Variants in ZNF140 observed in about 807,000 individuals in gnomAD.
The protein encoded by ZNF140 is zinc finger protein 140, also known as zinc finger protein 140 (clone pHZ-39).
In ZNF140, 13 loss-of-function variants were observed where a neutral mutation model predicts 12.9. That is an observed-to-expected ratio of 1.01 (90% CI 0.66 to 1.60). The LOEUF (loss-of-function observed/expected upper bound fraction) is 1.60, where lower values mean the gene tolerates loss of function less well. ZNF140 is among the 40% of genes most tolerant of loss of function. The pLI, the probability that ZNF140 is intolerant of heterozygous loss-of-function variation, is 0.00. For missense variants in ZNF140, 531 were observed against 548.8 expected (o/e 0.97, Z 0.32); for synonymous variants, 214 against 186.7 (o/e 1.15, Z -1.19).
chr12:133,081,348 A>G lies in ZNF140; in HGVS notation c.9+19A>G, dbSNP rs200906656. On this transcript the variant is annotated intron_variant, in intron 2 of 4. Coordinates refer to ENST00000355557, the MANE Select transcript of ZNF140 (RefSeq NM_003440.4). Reference sequence around the variant, plus strand: ...GTCTCAGGTAAGCTAATGATTGATAAATATATATATATATATATATATAAA... The same window carrying G: ...GTCTCAGGTAAGCTAATGATTGATAGATATATATATATATATATATATAAA... 6.3e-6 allele frequency: 2 copies of G among 317,000 alleles called. No homozygotes were observed. Among genetic ancestry groups the G allele is most frequent in the African/African-American group, 3.1e-5 (1 of 32,022 alleles). 19.6% of individuals were successfully genotyped at this position (317,000 alleles called of 1,614,324 possible). A position where few individuals can be genotyped will look rare whatever the true frequency, so the allele number is the denominator to read the frequency against.
At chr12:133,086,952 G>C (rs1954696245) in intron 4 of ZNF140, among the ~76,000 whole-genome samples, 2 of 152,096 alleles carry the variant, frequency 1.3e-5, no homozygotes, top group African/African-American at 2.4e-5. Context: ...TATGTTTCTA[G>C]GTTCTCAATT....
intron 4 of ZNF140, among the ~76,000 whole-genome samples, chr12:133,100,051 C>T (rs1955280550): frequency 6.6e-6 from 1 of 151,772 alleles, no homozygotes; most frequent in East Asian, 1.9e-4. Context: ...GGATATTTTC[C>T]ACAACCTCCG....
chr12:133,085,861 T>A (rs1211154230), intron 4 of ZNF140, among the ~76,000 whole-genome samples: 2 of 151,982 alleles, frequency 1.3e-5, no homozygotes, highest in Non-Finnish European at 2.9e-5. Context: ...CACAAAAAAA[T>A]TTTAAAAGCT....
chr12:133,095,223 A>T (rs1474982806), intron 4 of ZNF140, among the ~76,000 whole-genome samples: 1 of 151,040 alleles, frequency 6.6e-6, no homozygotes, highest in Non-Finnish European at 1.5e-5. Flanking sequence ...CTATTGTTTG[A>T]AATAGCGTAA....
rs934007607 is a variant in ZNF140, at chr12:133,083,270, C to T, written c.136+41C>T. On this transcript the variant is annotated intron_variant, in intron 3 of 4. Coordinates refer to ENST00000355557, the MANE Select transcript of ZNF140 (RefSeq NM_003440.4). ...CATCTCCCTCAAGGCAAAATTTGAC[C>T]GTTAGGGTGGCTGTTATAATTATCT... 6.2e-5 allele frequency: 99 copies of T among 1,589,058 alleles called. No individual in the cohort carries two copies. In the African/African-American group the frequency reaches 6.5e-4, roughly 10 times the overall value.
chr12:133,095,777 A>G (rs752776216), intron 4 of ZNF140, among the ~76,000 whole-genome samples: 6 of 151,824 alleles, frequency 4.0e-5, no homozygotes, highest in Admixed American at 6.6e-5. Context: ...GGAAGGTACT[A>G]TGCCTGGATG....
chr12:133,081,358 T>C (rs1295754327), intron 2 of ZNF140, 29 bp downstream of exon 2: 3 of 265,846 alleles, frequency 1.1e-5, no homozygotes, highest in Non-Finnish European at 1.9e-5. Flanking sequence ...AATATATATA[T>C]ATATATATAT....
At chr12:133,104,089 A>G (rs1955470194) in intron 4 of ZNF140, among the ~76,000 whole-genome samples, 2 of 152,348 alleles carry the variant, frequency 1.3e-5, no homozygotes, top group African/African-American at 2.4e-5. Flanking sequence ...GCAATAACAG[A>G]TAACATTTTT....
intron 4 of ZNF140, among the ~76,000 whole-genome samples, chr12:133,092,898 C>CTT (rs1954941712): frequency 6.6e-6 from 1 of 151,144 alleles, no homozygotes; most frequent in Non-Finnish European, 1.5e-5. Context: ...ACTTCTGGGT[C>CTT]TTTTGATTCT....
chr12:133,096,348 A>G (rs1354908703), intron 4 of ZNF140, among the ~76,000 whole-genome samples: 2 of 152,158 alleles, frequency 1.3e-5, no homozygotes, highest in Non-Finnish European at 2.9e-5. Flanking sequence ...TGGCTGGGGA[A>G]AGCTACAAAT....
upstream of ZNF140, chr12:133,080,519 G>C (rs1434390261): frequency 6.6e-6 from 1 of 152,288 alleles, no homozygotes; most frequent in African/African-American, 2.4e-5. Flanking sequence ...GCGCTTGGCC[G>C]CGAGACACTC....
At chr12:133,093,625 G>C (rs1269058217) in intron 4 of ZNF140, 2 of 613,920 alleles carry the variant, frequency 3.3e-6, no homozygotes, top group Non-Finnish European at 5.8e-6. Flanking sequence ...CACCAAATTA[G>C]TTTTCCCTCA....
At chr12:133,083,641 T>C (rs1954574483) in intron 4 of ZNF140, 80 bp downstream of exon 4, 10 of 1,376,226 alleles carry the variant, frequency 7.3e-6, no homozygotes, top group Admixed American at 2.1e-5. Flanking sequence ...TTTTAATATG[T>C]TGATTGGAAA....
Position 133,094,679 on chromosome 12 carries a change from T to C in ZNF140, c.233-10831T>C, listed in dbSNP as rs919188952. Among the ~76,000 whole-genome samples the C allele has an allele frequency of 4.0e-5, 6 of 151,228 alleles. 1 individual carries two copies. The highest frequency in any genetic ancestry group is 1.5e-4 in the African/African-American group (6 of 40,812). On this transcript the variant is annotated intron_variant, in intron 4 of 4. Transcript: ENST00000355557. ...CCCATACAGGAAGCTGCAGGGCAAG[T>C]CTGAATTGCTCCTTCACCGTAGTGA... is the stretch of plus-strand genomic sequence containing the variant.
At chr12:133,104,354 A>ATTT (rs34193332) in intron 4 of ZNF140, among the ~76,000 whole-genome samples, 53 of 144,344 alleles carry the variant, frequency 3.7e-4, no homozygotes, top group African/African-American at 9.0e-4. Flanking sequence ...TAAAGATACA[A>ATTT]TTTTTTTTTT....
rs1158240717 is a variant in ZNF140, at chr12:133,106,596, C to T, written c.1319C>T (p.Pro440Leu). The T allele has an allele frequency of 6.2e-7, 1 of 1,608,520 alleles. No individual in the cohort carries two copies. Among genetic ancestry groups the T allele is most frequent in the Non-Finnish European group, 8.5e-7 (1 of 1,178,590 alleles). ...KHQRTHTLDN[P>L]YEYENSFNYH... ...CAGAGGACACACACTCTTGACAACC[C>T]CTATGAATATGAAAATTCATTTAAT... Residue 440 changes from proline to leucine, a missense_variant, in exon 5 of 5, where the codon CCC (proline) becomes CTC (leucine). Transcript: ENST00000355557.
chr12:133,096,774 G>A (rs1383886500), intron 4 of ZNF140, among the ~76,000 whole-genome samples: 14 of 152,210 alleles, frequency 9.2e-5, no homozygotes, highest in African/African-American at 3.1e-4. Context: ...GTTAAGATGT[G>A]TGTTATGACT....
intron 2 of ZNF140, 41 bp from the exon 3 acceptor site, chr12:133,083,062 G>A: frequency 1.2e-6 from 2 of 1,613,652 alleles, no homozygotes; most frequent in South Asian, 1.1e-5. Flanking sequence ...GAGTTTGGGG[G>A]CATGCGTGCT....
At chr12:133,083,051 G>A (rs1369345671) in intron 2 of ZNF140, 52 bp from the exon 3 acceptor site, 1 of 1,612,814 alleles carries the variant, frequency 6.2e-7, no homozygotes, top group East Asian at 2.2e-5. Context: ...CCTTGATGAG[G>A]GAGTTTGGGG....
Sources: gnomAD v4.1 joint callset for allele counts (sites outside exome capture counted in the v4.1 genomes callset) on GRCh38, gnomAD v4.1.1 for gene constraint, MANE v1.5 for transcripts, NCBI Gene and HGNC (gene_info 2026-07-23, HGNC 2026-07-21) for gene names.